PRKG1: variants seen among roughly 807,000 people sequenced by gnomAD.
The protein encoded by PRKG1 is protein kinase cGMP-dependent 1.
PRKG1 carries 35 observed loss-of-function variants against 88.1 expected under a neutral mutation model. The observed-to-expected ratio is 0.40, with a 90% CI of 0.30 to 0.53. The LOEUF (loss-of-function observed/expected upper bound fraction) is 0.53, where lower values mean the gene tolerates loss of function less well. PRKG1 is among the 20% of genes least tolerant of loss of function. The pLI is 0.59. For missense variants in PRKG1, 540 were observed against 839.8 expected (o/e 0.64, Z 4.41); for synonymous variants, 303 against 292.5 (o/e 1.04, Z -0.37).
chr10:51,699,969 C>T (rs1211215889), intron 3 of PRKG1, among the ~76,000 whole-genome samples: 1 of 152,230 alleles, frequency 6.6e-6, no homozygotes, highest in African/African-American at 2.4e-5. Context: ...AACCGCCAAC[C>T]GAAAGCGGAT....
intron 5 of PRKG1, among the ~76,000 whole-genome samples, chr10:51,968,820 CAAAAAA>C (rs56810665): frequency 9.5e-6 from 1 of 105,458 alleles, no homozygotes; most frequent in Admixed American, 1.0e-4. Flanking sequence ...AAAACTCCAT[CAAAAAA>C]AAAAAAAAAA....
chr10:51,204,050 T>C (rs989426325), intron 2 of PRKG1, among the ~76,000 whole-genome samples: 1 of 152,206 alleles, frequency 6.6e-6, no homozygotes, highest in Admixed American at 6.5e-5. Context: ...GAAGAACTAT[T>C]TTCTTCTTCT....
intron 1 of PRKG1, among the ~76,000 whole-genome samples, chr10:51,125,505 A>T (rs1187400597): frequency 6.7e-6 from 1 of 150,252 alleles, no homozygotes; most frequent in Non-Finnish European, 1.5e-5. Flanking sequence ...CAACATAGTG[A>T]AACCCTGTCT....
intron 9 of PRKG1, among the ~76,000 whole-genome samples, chr10:52,189,941 A>C (rs1333723963): frequency 6.6e-6 from 1 of 152,198 alleles, no homozygotes; most frequent in Non-Finnish European, 1.5e-5. Flanking sequence ...GCTGCTCTTT[A>C]GAATTTGAAA....
chr10:51,525,801 C>G (rs1279035716), intron 3 of PRKG1, among the ~76,000 whole-genome samples: 1 of 151,458 alleles, frequency 6.6e-6, no homozygotes, highest in East Asian at 1.9e-4. Flanking sequence ...AATGTACTAT[C>G]CAAGTAGAGT....
At chr10:51,459,230 T>C (rs1180137731) in intron 2 of PRKG1, among the ~76,000 whole-genome samples, 1 of 152,018 alleles carries the variant, frequency 6.6e-6, no homozygotes, top group Non-Finnish European at 1.5e-5. Flanking sequence ...CACAAGAAAT[T>C]AGTATGAAAC....
At chr10:51,218,314 CAT>C (rs1412979075) in intron 2 of PRKG1, among the ~76,000 whole-genome samples, 1 of 151,644 alleles carries the variant, frequency 6.6e-6, no homozygotes, top group African/African-American at 2.4e-5. Flanking sequence ...TCACTATAAA[CAT>C]GTGTGGCTTC....
At position 51,026,843 on chromosome 10, in the gene PRKG1, A is replaced by G. The variant is rs143943685; in HGVS notation, c.266+35199A>G. On this transcript the variant is annotated intron_variant, in intron 1 of 17. Coordinates refer to the PRKG1 transcript ENST00000401604. ...CTAGGGTCCATGCTGCATATTTTAT[A>G]TGCATTATCTTCCTTAATTATTACA... is the stretch of plus-strand genomic sequence containing the variant. 2.8e-3 allele frequency among the ~76,000 whole-genome samples: 422 copies of G among 152,306 alleles called. 1 individual carries two copies. Among genetic ancestry groups the G allele is most frequent in the African/African-American group, 9.2e-3 (382 of 41,568 alleles).
At chr10:52,135,181 G>A (rs573607456) in intron 8 of PRKG1, among the ~76,000 whole-genome samples, 17 of 152,056 alleles carry the variant, frequency 1.1e-4, no homozygotes, top group African/African-American at 3.9e-4. Context: ...GAGAAGAGTC[G>A]GGGAGGTGTT....
At chr10:52,269,867 G>A (rs1410499051) in intron 10 of PRKG1, among the ~76,000 whole-genome samples, 1 of 151,872 alleles carries the variant, frequency 6.6e-6, no homozygotes, top group African/African-American at 2.4e-5. Flanking sequence ...TCTGAGTAAG[G>A]CATGTGGAAG....
intron 2 of PRKG1, among the ~76,000 whole-genome samples, chr10:51,314,917 A>G (rs924050624): frequency 5.3e-5 from 8 of 152,210 alleles, no homozygotes; most frequent in African/African-American, 1.9e-4. Context: ...TCTCACATCT[A>G]TGCCCTTGAG....
At chr10:51,985,316 ACT>A in intron 5 of PRKG1, among the ~76,000 whole-genome samples, 1 of 148,230 alleles carries the variant, frequency 6.7e-6, no homozygotes. Flanking sequence ...ATATAGTGAA[ACT>A]TTTTTCAGCT....
At chr10:51,849,837 T>C (rs1198095656) in intron 4 of PRKG1, among the ~76,000 whole-genome samples, 2 of 152,254 alleles carry the variant, frequency 1.3e-5, no homozygotes, top group Admixed American at 1.3e-4. Context: ...CAGACTCAGG[T>C]TTGATGGGGC....
intron 3 of PRKG1, among the ~76,000 whole-genome samples, chr10:51,522,596 G>T (rs1841762704): frequency 6.6e-6 from 1 of 152,170 alleles, no homozygotes; most frequent in Non-Finnish European, 1.5e-5. Flanking sequence ...TTTGGGGACA[G>T]TGAGGGGTGT....
At chr10:52,252,410 T>G (rs1841195832) in intron 10 of PRKG1, 1 of 150,306 alleles carries the variant, frequency 6.7e-6, no homozygotes, top group African/African-American at 2.5e-5. Flanking sequence ...TATGACTAAC[T>G]GCATTTCAAG....
At chr10:51,082,197 A>G (rs1844128874) in intron 1 of PRKG1, among the ~76,000 whole-genome samples, 1 of 152,140 alleles carries the variant, frequency 6.6e-6, no homozygotes, top group Non-Finnish European at 1.5e-5. Context: ...GTTGAGCCTG[A>G]ATTTGAGCTC....
intron 2 of PRKG1, among the ~76,000 whole-genome samples, chr10:51,310,702 A>G (rs1382543548): frequency 6.6e-6 from 1 of 152,162 alleles, no homozygotes; most frequent in East Asian, 1.9e-4. Flanking sequence ...ACTTAGACAT[A>G]TGGCCAATGT....
At chr10:51,094,342 T>C (rs1446532307) in intron 1 of PRKG1, among the ~76,000 whole-genome samples, 1 of 152,072 alleles carries the variant, frequency 6.6e-6, no homozygotes, top group African/African-American at 2.4e-5. Flanking sequence ...TCTTAATAAT[T>C]AGGAAACAAA....
Position 51,915,766 on chromosome 10 carries a change from T to C in PRKG1, c.762+8196T>C, listed in dbSNP as rs539638268. Among the ~76,000 whole-genome samples, 4 of 152,236 alleles carry C rather than the reference T, an allele frequency of 2.6e-5. No homozygotes were observed. The South Asian group carries it at 8.3e-4, about 32-fold the overall frequency. On this transcript the variant is annotated intron_variant, in intron 5 of 17. Transcript: ENST00000373980. ...CACTTACAGCTTAATAATAAAAAGA[T>C]GAATAATTAATAAGATGAGAAAAGC...
Sources: gnomAD v4.1 joint callset for allele counts (sites outside exome capture counted in the v4.1 genomes callset) on GRCh38, gnomAD v4.1.1 for gene constraint, MANE v1.5 for transcripts, NCBI Gene and HGNC (gene_info 2026-07-23, HGNC 2026-07-21) for gene names.